The following FRAS1 variants were observed in gnomAD, a reference collection of about 807,000 sequenced individuals.
FRAS1 encodes the protein Fraser extracellular matrix complex subunit 1.
Under a neutral mutation model 435.2 loss-of-function variants are expected in FRAS1, and 290 were observed. The ratio of observed to expected loss-of-function variants is 0.67; its 90% CI spans 0.61 to 0.73. The LOEUF (loss-of-function observed/expected upper bound fraction) is 0.73, where lower values mean the gene tolerates loss of function less well. Among genes scored for constraint, FRAS1 ranks in the 30% least tolerant of loss-of-function variants. The pLI is 0.00. For missense variants in FRAS1, 4,860 were observed against 5,001.5 expected (o/e 0.97, Z 0.85); for synonymous variants, 1,800 against 1,851.0 (o/e 0.97, Z 0.71).
chr4:78,068,579 C>T (rs1267320711), intron 2 of FRAS1: 1 of 456,038 alleles, frequency 2.2e-6, no homozygotes, highest in Non-Finnish European at 4.4e-6. Context: ...TTGGAGGTGC[C>T]AGAGAGGAGG....
At chr4:78,362,691 T>A (rs1302923098) in intron 20 of FRAS1, among the ~76,000 whole-genome samples, 1 of 152,144 alleles carries the variant, frequency 6.6e-6, no homozygotes, top group African/African-American at 2.4e-5. Context: ...AGAATGGGGT[T>A]ACACAGAAAA....
chr4:78,205,662 C>G (rs993567710), intron 2 of FRAS1, among the ~76,000 whole-genome samples: 3 of 152,132 alleles, frequency 2.0e-5, no homozygotes, highest in African/African-American at 7.2e-5. Flanking sequence ...GAAAGCTGGC[C>G]CAGTGGCCTG....
chr4:78,192,301 G>A (rs1722575809), intron 2 of FRAS1, among the ~76,000 whole-genome samples: 1 of 152,206 alleles, frequency 6.6e-6, no homozygotes, highest in South Asian at 2.1e-4. Flanking sequence ...CTCATAAAAT[G>A]AGTTAGGGAG....
intron 29 of FRAS1, among the ~76,000 whole-genome samples, chr4:78,400,345 G>C (rs1481803297): frequency 6.6e-6 from 1 of 152,128 alleles, no homozygotes; most frequent in Non-Finnish European, 1.5e-5. Context: ...TTTTGCTTCA[G>C]ACATCTTGTA....
intron 2 of FRAS1, among the ~76,000 whole-genome samples, chr4:78,124,341 T>C (rs960025176): frequency 3.3e-5 from 5 of 152,330 alleles, no homozygotes; most frequent in African/African-American, 1.2e-4. Flanking sequence ...TCGTGGTGGA[T>C]AAGCTTTTTG....
intron 61 of FRAS1, among the ~76,000 whole-genome samples, chr4:78,500,523 C>T (rs17003290): frequency 0.067 from 10,216 of 152,208 alleles, 559 homozygotes; most frequent in Non-Finnish European, 0.095. Flanking sequence ...AAGGGTTGAA[C>T]TGTATGCTAG....
At chr4:78,072,289 T>C (rs1740398437) in intron 2 of FRAS1, among the ~76,000 whole-genome samples, 2 of 152,190 alleles carry the variant, frequency 1.3e-5, no homozygotes, top group South Asian at 4.1e-4. Flanking sequence ...GTTAGAGTCT[T>C]TTTAAAAATT....
At chr4:78,522,351 TA>T (rs1164190922) in intron 68 of FRAS1, among the ~76,000 whole-genome samples, 1 of 152,194 alleles carries the variant, frequency 6.6e-6, no homozygotes, top group Non-Finnish European at 1.5e-5. Context: ...CATTGTCACA[TA>T]AAGACCCCTA....
intron 2 of FRAS1, among the ~76,000 whole-genome samples, chr4:78,204,930 C>T (rs527406978): frequency 6.6e-6 from 1 of 152,090 alleles, no homozygotes; most frequent in Non-Finnish European, 1.5e-5. Context: ...TACTAGTTTC[C>T]AGCAGGGCAT....
chr4:78,458,236 G>A (rs544108255), intron 47 of FRAS1, among the ~76,000 whole-genome samples: 5 of 152,084 alleles, frequency 3.3e-5, no homozygotes, highest in Non-Finnish European at 7.3e-5. Context: ...GTTTTCTATC[G>A]TTGTGGAGGC....
intron 43 of FRAS1, 116 bp downstream of exon 43, chr4:78,446,996 A>C (rs1054029264): frequency 9.9e-7 from 1 of 1,015,096 alleles, no homozygotes; most frequent in Non-Finnish European, 1.4e-6. Context: ...CATTCTTTGC[A>C]TCAAAGTGTA....
intron 2 of FRAS1, among the ~76,000 whole-genome samples, chr4:78,195,067 G>T (rs1722740586): frequency 6.6e-6 from 1 of 152,196 alleles, no homozygotes; most frequent in Non-Finnish European, 1.5e-5. Context: ...GGTATCAGAA[G>T]CAGAGGCTGC....
chr4:78,393,377 A>G (rs1367317255), intron 29 of FRAS1, among the ~76,000 whole-genome samples: 1 of 148,636 alleles, frequency 6.7e-6, no homozygotes, highest in African/African-American at 2.5e-5. Flanking sequence ...GGTTACATAA[A>G]ATATCTTATA....
intron 2 of FRAS1, among the ~76,000 whole-genome samples, chr4:78,183,522 A>G (rs533161141): frequency 1.5e-4 from 23 of 152,134 alleles, no homozygotes; most frequent in Non-Finnish European, 2.8e-4. Flanking sequence ...TATTGTTTCT[A>G]TGTTGGCATT....
At chr4:78,368,144 C>CAAA (rs11413001) in intron 22 of FRAS1, among the ~76,000 whole-genome samples, 1 of 147,372 alleles carries the variant, frequency 6.8e-6, no homozygotes. Context: ...AAAATTCTAG[C>CAAA]AAAAAAAAAG....
chr4:78,313,181 T>G (rs1291866912), intron 15 of FRAS1, among the ~76,000 whole-genome samples: 1 of 152,212 alleles, frequency 6.6e-6, no homozygotes, highest in Admixed American at 6.5e-5. Context: ...CAGGAGGTTT[T>G]GTGGCATGTG....
intron 61 of FRAS1, among the ~76,000 whole-genome samples, chr4:78,502,229 A>T (rs1455781954): frequency 4.6e-5 from 7 of 152,110 alleles, no homozygotes; most frequent in African/African-American, 1.7e-4. Context: ...ATGAAATTTA[A>T]AGTAGTTTTT....
intron 2 of FRAS1, among the ~76,000 whole-genome samples, chr4:78,159,136 C>T (rs1721023978): frequency 6.6e-6 from 1 of 152,140 alleles, no homozygotes; most frequent in African/African-American, 2.4e-5. Context: ...AGACTCTGGG[C>T]CCTCCACCCT....
intron 14 of FRAS1, among the ~76,000 whole-genome samples, chr4:78,291,318 C>T (rs1727886951): frequency 6.6e-6 from 1 of 152,182 alleles, no homozygotes; most frequent in African/African-American, 2.4e-5. Flanking sequence ...ACTGTTCCAG[C>T]TCAGATCATC....
Sources: allele counts gnomAD v4.1 joint callset (sites outside exome capture counted in the v4.1 genomes callset), GRCh38; gene constraint gnomAD v4.1.1; transcripts MANE v1.5; gene names NCBI Gene and HGNC (gene_info 2026-07-23, HGNC 2026-07-21).